FIGN: variants seen among roughly 807,000 people sequenced by gnomAD.
FIGN encodes the protein fidgetin, microtubule severing factor.
FIGN carries 11 observed loss-of-function variants against 51.3 expected under a neutral mutation model. The observed-to-expected ratio is 0.21, with a 90% CI of 0.13 to 0.35. The LOEUF (loss-of-function observed/expected upper bound fraction) is 0.35, where lower values mean the gene tolerates loss of function less well. FIGN is among the 10% of genes least tolerant of loss of function. FIGN has a pLI of 1.00. For synonymous variants in FIGN, 407 were observed against 363.2 expected, an observed-to-expected ratio of 1.12 and a Z score of -1.37; for missense variants, 857 against 943.6, an observed-to-expected ratio of 0.91 and a Z score of 1.20.
At chr2:163,693,089 G>C (rs1358351207) in intron 2 of FIGN, among the ~76,000 whole-genome samples, 2 of 152,194 alleles carry the variant, frequency 1.3e-5, no homozygotes, top group East Asian at 1.9e-4. Flanking sequence ...GAGTGAACCA[G>C]AGCTATGTGA....
chr2:163,674,067 A>G (rs1321506126), intron 2 of FIGN, among the ~76,000 whole-genome samples: 1 of 152,208 alleles, frequency 6.6e-6, no homozygotes, highest in East Asian at 1.9e-4. Flanking sequence ...TGCAGCTATT[A>G]TACACAAAAT....
intron 2 of FIGN, among the ~76,000 whole-genome samples, chr2:163,618,410 A>T (rs1266064416): frequency 2.7e-5 from 4 of 147,272 alleles, no homozygotes; most frequent in African/African-American, 7.7e-5. Flanking sequence ...TGCATAAAAC[A>T]ATGCTTTTTT....
rs1407267593 is a variant in FIGN at position 163,660,679 on chromosome 2, A to G, written c.26-48873T>C. Among the ~76,000 whole-genome samples the G allele has an allele frequency of 2.3e-5, 3 of 131,480 alleles. 1 individual carries two copies. Among genetic ancestry groups the G allele is most frequent in the African/African-American group, 2.8e-5 (1 of 35,120 alleles). The allele number at this position is 131,480 out of a possible 152,430, so 86.3% of individuals were successfully genotyped here. A position where few individuals can be genotyped will look rare whatever the true frequency, so the allele number is the denominator to read the frequency against. On this transcript the variant is annotated intron_variant, in intron 2 of 2. Coordinates refer to ENST00000333129, the MANE Select transcript of FIGN (RefSeq NM_018086.4). ...ACTATATATACATATACATATATATATATATACACATATACATATATATGT... is the reference window on the plus strand; with the variant it reads ...ACTATATATACATATACATATATATGTATATACACATATACATATATATGT...
At chr2:163,681,154 C>A (rs1350712650) in intron 2 of FIGN, among the ~76,000 whole-genome samples, 1 of 152,082 alleles carries the variant, frequency 6.6e-6, no homozygotes, top group African/African-American at 2.4e-5. Context: ...TGTTTTATTG[C>A]TTTTCTGAGG....
chr2:163,728,696 C>T (rs1351249088), intron 2 of FIGN, among the ~76,000 whole-genome samples: 3 of 152,048 alleles, frequency 2.0e-5, no homozygotes, highest in Admixed American at 2.0e-4. Context: ...AAAGGTGGCC[C>T]CAGATAAAAG....
chr2:163,728,219 C>T (rs1440002352), intron 2 of FIGN, among the ~76,000 whole-genome samples: 1 of 151,618 alleles, frequency 6.6e-6, no homozygotes, highest in Non-Finnish European at 1.5e-5. Context: ...TTTTAATGGT[C>T]AGCATTTTGT....
Position 163,685,955 on chromosome 2 carries a change from G to GA in FIGN, c.25+48947dup, listed in dbSNP as rs1296445708. ...ATAAATTTTTAAAGGCAGATTTATAGAAAAAAACACATGTAAAATCTATCA... is the reference window on the plus strand; with the variant it reads ...ATAAATTTTTAAAGGCAGATTTATAGAAAAAAAACACATGTAAAATCTATCA... On this transcript the variant is annotated intron_variant, in intron 2 of 2. Coordinates refer to ENST00000333129, the MANE Select transcript of FIGN (RefSeq NM_018086.4). Among the ~76,000 whole-genome samples the GA allele has an allele frequency of 3.3e-5, 5 of 152,176 alleles. No homozygotes were observed. In the South Asian group the frequency reaches 8.3e-4, roughly 25 times the overall value.
At chr2:163,699,466 T>C (rs956844043) in intron 2 of FIGN, among the ~76,000 whole-genome samples, 2 of 151,324 alleles carry the variant, frequency 1.3e-5, no homozygotes, top group Non-Finnish European at 2.9e-5. Flanking sequence ...TATAAAATAT[T>C]ACAATTTTAG....
intron 2 of FIGN, among the ~76,000 whole-genome samples, chr2:163,702,822 C>T (rs10497241): frequency 1.0e-3 from 152 of 151,946 alleles, no homozygotes; most frequent in Middle Eastern, 3.4e-3. Flanking sequence ...TTGCTGTAAA[C>T]CTATATTTCA....
intron 2 of FIGN, among the ~76,000 whole-genome samples, chr2:163,672,961 A>G (rs1201542013): frequency 6.6e-6 from 1 of 152,244 alleles, no homozygotes; most frequent in African/African-American, 2.4e-5. Flanking sequence ...GAAGTGCAAT[A>G]GGGGACCAAA....
At chr2:163,698,904 C>T (rs1008447755) in intron 2 of FIGN, among the ~76,000 whole-genome samples, 7 of 152,058 alleles carry the variant, frequency 4.6e-5, no homozygotes, top group Non-Finnish European at 1.0e-4. Flanking sequence ...ATAAAGTTTT[C>T]TTGTTTTAAC....
intron 2 of FIGN, among the ~76,000 whole-genome samples, chr2:163,688,263 T>C (rs1189270355): frequency 6.6e-6 from 1 of 152,146 alleles, no homozygotes; most frequent in Non-Finnish European, 1.5e-5. Context: ...TATCGTGTGC[T>C]CAGAATGTGG....
At chr2:163,644,921 G>T (rs1182430689) in intron 2 of FIGN, among the ~76,000 whole-genome samples, 1 of 152,120 alleles carries the variant, frequency 6.6e-6, no homozygotes, top group Non-Finnish European at 1.5e-5. Context: ...CTATGGCAGG[G>T]GAGGAGGAAT....
At chr2:163,639,850 C>T (rs1286437607) in intron 2 of FIGN, among the ~76,000 whole-genome samples, 1 of 152,114 alleles carries the variant, frequency 6.6e-6, no homozygotes, top group Admixed American at 6.5e-5. Context: ...TATTTTATTG[C>T]TGTTGGTCTA....
Position 163,611,034 on chromosome 2 carries a change from C to T in FIGN, c.798G>A (p.Gly266=). 5 of 1,613,792 alleles carry T rather than the reference C, an allele frequency of 3.1e-6. No individual in the cohort carries two copies. The highest frequency in any genetic ancestry group is 3.4e-6 in the Non-Finnish European group (4 of 1,179,984). Residue 266 remains glycine (G), a synonymous_variant, in exon 3 of 3, where the codon GGG becomes GGA. Coordinates refer to ENST00000333129, the MANE Select transcript of FIGN (RefSeq NM_018086.4). ...GGTACGCTGAAGGCGGAGGCGGTGC[C>T]CCCCCAGGGCTGTACCCAGACCCCA... ...TAVGSGYSPG[G]APPPPSAYLP... is the part of the protein sequence containing the mutation.
chr2:163,689,857 G>A (rs923170658), intron 2 of FIGN, among the ~76,000 whole-genome samples: 2 of 152,028 alleles, frequency 1.3e-5, no homozygotes, highest in Non-Finnish European at 2.9e-5. Flanking sequence ...TAGCTACAGG[G>A]TTATATTTTG....
rs73974380 is a variant in FIGN at position 163,708,941 on chromosome 2, T to C, written c.25+25962A>G. The stretch of plus-strand genomic sequence containing the variant: ...GACTATTGTTCATTGTTCACAACGA[T>C]ATAGAAAGTTTCTGTGAGATAAGAT... On this transcript the variant is annotated intron_variant, in intron 2 of 2. Coordinates refer to ENST00000333129, the MANE Select transcript of FIGN (RefSeq NM_018086.4). Among the ~76,000 whole-genome samples the C allele has an allele frequency of 3.4e-3, 519 of 152,298 alleles. 3 individuals are homozygous for C. Among genetic ancestry groups the C allele is most frequent in the African/African-American group, 0.012 (501 of 41,584 alleles).
chr2:163,735,163 C>A (rs1214342781), intron 1 of FIGN, 91 bp from the exon 2 acceptor site: 1 of 518,150 alleles, frequency 1.9e-6, no homozygotes. Context: ...AAGCACATGA[C>A]CAGGAATGCA....
intron 2 of FIGN, among the ~76,000 whole-genome samples, chr2:163,640,699 G>T (rs1683293505): frequency 6.6e-6 from 1 of 151,894 alleles, no homozygotes; most frequent in South Asian, 2.1e-4. Flanking sequence ...CCTAATGCTG[G>T]GTCTTTGAAC....
Sources: allele counts gnomAD v4.1 joint callset (sites outside exome capture counted in the v4.1 genomes callset), GRCh38; gene constraint gnomAD v4.1.1; transcripts MANE v1.5; gene names NCBI Gene and HGNC (gene_info 2026-07-23, HGNC 2026-07-21).